SHISA9: variants seen among roughly 807,000 people sequenced by gnomAD.
SHISA9 encodes protein shisa-9.
SHISA9 carries 13 observed loss-of-function variants against 38.0 expected under a neutral mutation model. That is an observed-to-expected ratio of 0.34 (90% confidence interval 0.22 to 0.54). The LOEUF is 0.54. SHISA9 is among the 20% of genes least tolerant of loss of function. SHISA9 has a pLI of 0.91. For synonymous variants in SHISA9, 275 were observed against 242.0 expected (o/e 1.14, Z -1.27); for missense variants, 538 against 575.8 (o/e 0.93, Z 0.67).
chr16:13,025,120 A>G (rs758858912), intron 2 of SHISA9, among the ~76,000 whole-genome samples: 1 of 152,150 alleles, frequency 6.6e-6, no homozygotes, highest in Non-Finnish European at 1.5e-5. Context: ...CTGAGTTTCT[A>G]GAATACCCTG....
At chr16:12,917,323 A>G (rs1009527813) in intron 2 of SHISA9, among the ~76,000 whole-genome samples, 1 of 152,224 alleles carries the variant, frequency 6.6e-6, no homozygotes, top group Non-Finnish European at 1.5e-5. Flanking sequence ...AGAGTTTCAT[A>G]AAAATAATCC....
At chr16:13,143,638 A>C (rs757036456) in intron 2 of SHISA9, among the ~76,000 whole-genome samples, 3 of 152,144 alleles carry the variant, frequency 2.0e-5, no homozygotes, top group South Asian at 2.1e-4. Flanking sequence ...CATCATGCAA[A>C]TATATCTCTT....
chr16:13,388,206 G>A, the SHISA9 span, among the ~76,000 whole-genome samples: 6 of 152,024 alleles, frequency 3.9e-5, no homozygotes, highest in Non-Finnish European at 7.3e-5. Flanking sequence ...AATCCCAAGA[G>A]TCAAATAGGA....
intron 2 of SHISA9, among the ~76,000 whole-genome samples, chr16:13,161,155 T>C (rs372508283): frequency 1.3e-5 from 2 of 152,160 alleles, no homozygotes; most frequent in East Asian, 3.9e-4. Flanking sequence ...CAGAGAGAAT[T>C]ATAGTCTATT....
intron 2 of SHISA9, among the ~76,000 whole-genome samples, chr16:13,104,155 C>A (rs7185098): frequency 0.015 from 2,247 of 152,186 alleles, 47 homozygotes; most frequent in African/African-American, 0.05. Context: ...CTAAGGGGGC[C>A]AGGTTTACCA....
At chr16:13,308,708 ATGT>A in the SHISA9 span, among the ~76,000 whole-genome samples, 1 of 152,210 alleles carries the variant, frequency 6.6e-6, no homozygotes, top group Admixed American at 6.5e-5. Context: ...CTGTGAATTT[ATGT>A]TGTTGTCATC....
At chr16:12,977,798 C>A (rs1467252043) in intron 2 of SHISA9, among the ~76,000 whole-genome samples, 1 of 151,810 alleles carries the variant, frequency 6.6e-6, no homozygotes, top group African/African-American at 2.4e-5. Flanking sequence ...AGGGGAACAA[C>A]ACACACTGAG....
intron 1 of SHISA9, among the ~76,000 whole-genome samples, chr16:12,906,901 C>G (rs185641708): frequency 6.6e-6 from 1 of 152,116 alleles, no homozygotes; most frequent in Non-Finnish European, 1.5e-5. Flanking sequence ...AAAATGTCAT[C>G]TAAGGGCAAA....
chr16:13,434,280 C>T, the SHISA9 span, among the ~76,000 whole-genome samples: 1 of 152,146 alleles, frequency 6.6e-6, no homozygotes, highest in African/African-American at 2.4e-5. Context: ...GTAGGCCTTC[C>T]TTTCTCAGTC....
intron 2 of SHISA9, among the ~76,000 whole-genome samples, chr16:12,923,309 C>G (rs1280882728): frequency 6.6e-6 from 1 of 152,136 alleles, no homozygotes; most frequent in African/African-American, 2.4e-5. Context: ...GCAGCAGATC[C>G]CTTGAGGCCA....
intron 2 of SHISA9, among the ~76,000 whole-genome samples, chr16:13,191,076 T>C (rs1432195180): frequency 1.3e-5 from 2 of 152,212 alleles, no homozygotes; most frequent in Non-Finnish European, 2.9e-5. Context: ...TCTTTTTTCC[T>C]TGCTTGTGGA....
chr16:13,304,506 C>T, the SHISA9 span, among the ~76,000 whole-genome samples: 2 of 152,188 alleles, frequency 1.3e-5, no homozygotes, highest in Non-Finnish European at 2.9e-5. Context: ...AATCTGCCTG[C>T]CCTGGCCTCC....
At chr16:13,029,685 A>G (rs939567572) in intron 2 of SHISA9, among the ~76,000 whole-genome samples, 1 of 152,260 alleles carries the variant, frequency 6.6e-6, no homozygotes, top group Admixed American at 6.5e-5. Flanking sequence ...ATTAAGTGAA[A>G]TAAACCAGGC....
At chr16:13,379,113 C>T in the SHISA9 span, among the ~76,000 whole-genome samples, 3 of 152,154 alleles carry the variant, frequency 2.0e-5, no homozygotes, top group Non-Finnish European at 4.4e-5. Context: ...CTTACTCTCC[C>T]ACTTCCCAGC....
the SHISA9 span, among the ~76,000 whole-genome samples, chr16:13,493,851 G>A: frequency 2.0e-5 from 3 of 152,120 alleles, no homozygotes; most frequent in Admixed American, 1.3e-4. Context: ...GGTTTGAGTG[G>A]ATCAATACAT....
At chr16:13,340,033 T>A in the SHISA9 span, among the ~76,000 whole-genome samples, 1 of 152,208 alleles carries the variant, frequency 6.6e-6, no homozygotes, top group African/African-American at 2.4e-5. Flanking sequence ...GAAGGATGAT[T>A]AAAAGTATGG....
chr16:13,024,668 CA>C (rs1181174660), intron 2 of SHISA9, among the ~76,000 whole-genome samples: 1 of 152,218 alleles, frequency 6.6e-6, no homozygotes. Flanking sequence ...GGCTGTATGA[CA>C]AGTGAGCTAT....
rs908866977 is a variant in SHISA9, at chr16:13,118,984, G to A, written c.692-84410G>A. 3.9e-5 allele frequency among the ~76,000 whole-genome samples: 6 copies of A among 152,004 alleles called. No homozygotes were observed. The South Asian group carries it at 6.2e-4, about 16-fold the overall frequency. On this transcript the variant is annotated intron_variant, in intron 2 of 4. Transcript: ENST00000558583. ...TGACCTCAGGTGATCCACTCACCTC[G>A]GCCTCCCAAAGTGCTGGGATTATAG...
chr16:13,005,217 A>G (rs2072583318), intron 2 of SHISA9, among the ~76,000 whole-genome samples: 1 of 152,152 alleles, frequency 6.6e-6, no homozygotes, highest in Non-Finnish European at 1.5e-5. Context: ...GAGACATCCA[A>G]ACAGAGAAGC....
Sources: gnomAD v4.1 joint callset for allele counts (sites outside exome capture counted in the v4.1 genomes callset) on GRCh38, gnomAD v4.1.1 for gene constraint, MANE v1.5 for transcripts, NCBI Gene and HGNC (gene_info 2026-07-23, HGNC 2026-07-21) for gene names.